Variants in TMED8 observed in about 807,000 individuals in gnomAD.
TMED8 encodes transmembrane p24 trafficking protein family member 8, also known as protein TMED8.
A neutral mutation model predicts 32.7 loss-of-function variants in TMED8; 15 were observed. That is an observed-to-expected ratio of 0.46 (90% CI 0.31 to 0.71). The LOEUF (loss-of-function observed/expected upper bound fraction) is 0.71, where lower values mean the gene tolerates loss of function less well. TMED8 is among the 30% of genes least tolerant of loss of function. The pLI is 0.06. For missense variants in TMED8, 390 were observed against 423.9 expected, an observed-to-expected ratio of 0.92 and a Z score of 0.70; for synonymous variants, 147 against 161.4, an observed-to-expected ratio of 0.91 and a Z score of 0.68.
At position 77,341,959 on chromosome 14, in the gene TMED8, C is replaced by T; in HGVS notation, c.790G>A (p.Gly264Ser). The T allele has an allele frequency of 6.2e-7, 1 of 1,614,104 alleles. No individual in the cohort carries two copies. Among genetic ancestry groups the T allele is most frequent in the Non-Finnish European group, 8.5e-7 (1 of 1,180,034 alleles). Residue 264 changes from glycine to serine, a missense_variant, in exon 6 of 6, where the codon GGC becomes AGC. By Grantham distance (56) the Gly-to-Ser change is moderately conservative (BLOSUM62 0). Coordinates refer to ENST00000216468, the MANE Select transcript of TMED8 (RefSeq NM_213601.3). ...EPVPAGDVER[G>S]SRSSLRGRYG... ...CGACCCCGCAAGGAGCTCCTGGAGC[C>T]TCTCTCCACATCTCCAGCTGGAACG...
At chr14:77,358,452 C>A (rs28488389) in intron 1 of TMED8, among the ~76,000 whole-genome samples, 36 of 152,168 alleles carry the variant, frequency 2.4e-4, no homozygotes, top group African/African-American at 8.0e-4. Context: ...GCACATGCCA[C>A]CACGCCCAGC....
At chr14:77,344,544 C>T (rs989372303) in intron 3 of TMED8, among the ~76,000 whole-genome samples, 3 of 152,204 alleles carry the variant, frequency 2.0e-5, no homozygotes, top group Middle Eastern at 3.2e-3. Flanking sequence ...CTAACCCATG[C>T]GGGAGCTTAC....
chr14:77,372,941 TATA>T (rs1893720955), intron 1 of TMED8, among the ~76,000 whole-genome samples: 1 of 32,200 alleles, frequency 3.1e-5, no homozygotes, highest in Non-Finnish European at 5.2e-5. Flanking sequence ...TATATATATA[TATA>T]TATATATATT....
At chr14:77,371,660 T>C (rs1269491089) in intron 1 of TMED8, among the ~76,000 whole-genome samples, 9 of 152,160 alleles carry the variant, frequency 5.9e-5, no homozygotes, top group African/African-American at 2.2e-4. Context: ...AAGTATAAAG[T>C]GTGGGAGATG....
chr14:77,339,728 TG>T lies in TMED8; in HGVS notation c.*2042del, dbSNP rs1892849509. The T allele has an allele frequency of 6.6e-6, 1 of 152,210 alleles. No homozygotes were observed. Among genetic ancestry groups the T allele is most frequent in the African/African-American group, 2.4e-5 (1 of 41,444 alleles). 9.4% of individuals were successfully genotyped at this position (152,210 alleles called of 1,614,324 possible). A position where few individuals can be genotyped will look rare whatever the true frequency, so the allele number is the denominator to read the frequency against. On this transcript the variant is annotated 3_prime_UTR_variant, in exon 6 of 6. Coordinates refer to ENST00000216468, the MANE Select transcript of TMED8 (RefSeq NM_213601.3). ...AATAATTTCTTTAAAGGTATATAAA[TG>T]TTGGCCAGTGTAATCCTCTACAAAA...
At chr14:77,370,904 A>G (rs147695423) in intron 1 of TMED8, among the ~76,000 whole-genome samples, 280 of 151,778 alleles carry the variant, frequency 1.8e-3, no homozygotes, top group African/African-American at 6.1e-3. Context: ...AGCTAAGATC[A>G]CGCCATTGCA....
chr14:77,364,048 A>G (rs754353325), intron 1 of TMED8, among the ~76,000 whole-genome samples: 3 of 152,232 alleles, frequency 2.0e-5, no homozygotes, highest in Admixed American at 6.5e-5. Flanking sequence ...CACTGCATCA[A>G]TATATGAGTG....
intron 1 of TMED8, among the ~76,000 whole-genome samples, chr14:77,372,263 C>T (rs991244163): frequency 2.6e-5 from 4 of 152,234 alleles, no homozygotes; most frequent in African/African-American, 7.2e-5. Flanking sequence ...TTTCTTTCTA[C>T]ATTACCAAAG....
rs941956147 is a variant in TMED8, at chr14:77,338,089, T to G, written c.*3682A>C. 1 of 152,120 alleles carries G rather than the reference T, an allele frequency of 6.6e-6. No homozygotes were observed. Among genetic ancestry groups the G allele is most frequent in the African/African-American group, 2.4e-5 (1 of 41,414 alleles). The allele number at this position is 152,120 out of a possible 1,614,324, so 9.4% of individuals were successfully genotyped here. The stretch of plus-strand genomic sequence containing the variant: ...CATATTACCCTCTTCCCTTTGGAAT[T>G]TAAATACAACTGACCAGCATTAACA... On this transcript the variant is annotated 3_prime_UTR_variant, in exon 6 of 6. Coordinates refer to ENST00000216468, the MANE Select transcript of TMED8 (RefSeq NM_213601.3).
chr14:77,355,114 C>A (rs1211188503), intron 1 of TMED8, among the ~76,000 whole-genome samples: 1 of 151,182 alleles, frequency 6.6e-6, no homozygotes, highest in East Asian at 1.9e-4. Flanking sequence ...TTGAGAAATA[C>A]ATTTATACAT....
In TMED8 at chr14:77,341,840, G is replaced by T. The variant is rs759414872; in HGVS notation, c.909C>A (p.Leu303=). ...HDYPGEGIYL[L]KFDNSYSLLR... is the part of the protein sequence containing the mutation. ...GCAGGGAGTAGGAGTTGTCGAACTTGAGCAGGTAGATGCCCTCACCAGGGT... is the reference window on the plus strand; with the variant it reads ...GCAGGGAGTAGGAGTTGTCGAACTTTAGCAGGTAGATGCCCTCACCAGGGT... Residue 303 remains leucine (L), a synonymous_variant, in exon 6 of 6, where the codon CTC becomes CTA. Transcript: ENST00000216468. The T allele has an allele frequency of 3.0e-5, 49 of 1,613,938 alleles. No individual in the cohort carries two copies. Among genetic ancestry groups the T allele is most frequent in the Non-Finnish European group, 3.9e-5 (46 of 1,180,022 alleles).
At chr14:77,372,529 C>T (rs191137945) in intron 1 of TMED8, among the ~76,000 whole-genome samples, 106 of 152,156 alleles carry the variant, frequency 7.0e-4, no homozygotes, top group African/African-American at 2.5e-3. Context: ...GAGGCTTAAA[C>T]GAAAACAAAT....
In TMED8 at chr14:77,341,753, C is replaced by G; in HGVS notation, c.*18G>C. 1 of 1,613,392 alleles carries G rather than the reference C, an allele frequency of 6.2e-7. No homozygotes were observed. Among genetic ancestry groups the G allele is most frequent in the Non-Finnish European group, 8.5e-7 (1 of 1,179,352 alleles). On this transcript the variant is annotated 3_prime_UTR_variant, in exon 6 of 6. Transcript: ENST00000216468. ...GCTTCAGCCAGCAAATACAGCCTGC[C>G]CCTGTCCCAGCAGTCCTTCAGCTGG...
At chr14:77,365,164 A>C (rs1200745741) in intron 1 of TMED8, among the ~76,000 whole-genome samples, 1 of 152,206 alleles carries the variant, frequency 6.6e-6, no homozygotes, top group Non-Finnish European at 1.5e-5. Context: ...TACTGTATAT[A>C]CAGCAACCAC....
chr14:77,370,665 A>G (rs1893655495), intron 1 of TMED8, among the ~76,000 whole-genome samples: 1 of 152,102 alleles, frequency 6.6e-6, no homozygotes, highest in Non-Finnish European at 1.5e-5. Context: ...CTCCCATGTC[A>G]GTCCCTACCT....
intron 2 of TMED8, among the ~76,000 whole-genome samples, chr14:77,348,309 G>A (rs567941927): frequency 1.4e-3 from 208 of 151,044 alleles, no homozygotes; most frequent in African/African-American, 4.7e-3. Context: ...CTCAAGCTCC[G>A]CCTCCCGGGT....
rs1892800883 is a variant in TMED8 at position 77,337,816 on chromosome 14, G to A, written c.*3955C>T. The A allele has an allele frequency of 6.6e-6, 1 of 152,122 alleles. No homozygotes were observed. The highest frequency in any genetic ancestry group is 1.5e-5 in the Non-Finnish European group (1 of 68,034). The allele number at this position is 152,122 out of a possible 1,614,324, so 9.4% of individuals were successfully genotyped here. ...GGGACATTCTCAGCATTCTCTAATT[G>A]GACACTTGTCAAAAGGAACAGAATG... On this transcript the variant is annotated 3_prime_UTR_variant, in exon 6 of 6. Transcript: ENST00000216468.
rs567772530 is a variant in TMED8, at chr14:77,341,604, C to T, written c.*167G>A. 82 of 652,232 alleles carry T rather than the reference C, an allele frequency of 1.3e-4. 1 individual carries two copies. In the Admixed American group the frequency reaches 1.8e-3, roughly 14 times the overall value. 40.4% of individuals were successfully genotyped at this position (652,232 alleles called of 1,614,324 possible). A position where few individuals can be genotyped will look rare whatever the true frequency, so the allele number is the denominator to read the frequency against. On this transcript the variant is annotated 3_prime_UTR_variant, in exon 6 of 6. Coordinates refer to ENST00000216468, the MANE Select transcript of TMED8 (RefSeq NM_213601.3). ...GCACTACACCACCACCTGCAGAAGC[C>T]AAGAAGGGGAAAAAGCTACGTGGGC...
Position 77,340,930 on chromosome 14 carries a change from C to CAAAAA in TMED8, c.*836_*840dup, listed in dbSNP as rs5809826. 7.2e-6 allele frequency: 1 copy of CAAAAA among 138,922 alleles called. No individual in the cohort carries two copies. The highest frequency in any genetic ancestry group is 1.6e-5 in the Non-Finnish European group (1 of 64,330). 8.6% of individuals were successfully genotyped at this position (138,922 alleles called of 1,614,324 possible). ...GATACCATTCCTTCTTTGATTATAC[C>CAAAAA]AAAAAAAAAAAAAAAAGTAACACGA... is the stretch of plus-strand genomic sequence containing the variant. On this transcript the variant is annotated 3_prime_UTR_variant, in exon 6 of 6. Transcript: ENST00000216468.
Sources: gnomAD v4.1 joint callset for allele counts (sites outside exome capture counted in the v4.1 genomes callset) on GRCh38, gnomAD v4.1.1 for gene constraint, MANE v1.5 for transcripts, NCBI Gene and HGNC (gene_info 2026-07-23, HGNC 2026-07-21) for gene names.